Variants in NKAIN2 observed in about 807,000 individuals in gnomAD.
The protein encoded by NKAIN2 is sodium/potassium transporting ATPase interacting 2.
NKAIN2 carries 14 observed loss-of-function variants against 32.6 expected under a neutral mutation model. The ratio of observed to expected loss-of-function variants is 0.43; its 90% confidence interval spans 0.28 to 0.67. The LOEUF (loss-of-function observed/expected upper bound fraction) is 0.67. Among genes scored for constraint, NKAIN2 ranks in the 30% least tolerant of loss-of-function variants. The pLI, the probability that NKAIN2 is intolerant of heterozygous loss-of-function variation, is 0.17. For synonymous variants in NKAIN2, 80 were observed against 87.2 expected, an observed-to-expected ratio of 0.92 and a Z score of 0.46; for missense variants, 198 against 258.3, an observed-to-expected ratio of 0.77 and a Z score of 1.60.
intron 1 of NKAIN2, among the ~76,000 whole-genome samples, chr6:124,246,633 G>A (rs1053782277): frequency 6.6e-6 from 1 of 151,992 alleles, no homozygotes; most frequent in Non-Finnish European, 1.5e-5. Context: ...CAATACAATA[G>A]ATCTGGACTT....
At chr6:123,806,789 TC>T (rs1321777871) in intron 1 of NKAIN2, among the ~76,000 whole-genome samples, 1 of 152,064 alleles carries the variant, frequency 6.6e-6, no homozygotes, top group African/African-American at 2.4e-5. Context: ...CCAAAGAGAC[TC>T]TAAGTTAGAA....
At chr6:124,749,472 G>A (rs1438707976) in intron 4 of NKAIN2, among the ~76,000 whole-genome samples, 1 of 151,804 alleles carries the variant, frequency 6.6e-6, no homozygotes, top group Admixed American at 6.6e-5. Flanking sequence ...ATTTATTCTA[G>A]GGTAAAAAAG....
At chr6:124,412,561 G>A (rs1055555585) in intron 3 of NKAIN2, among the ~76,000 whole-genome samples, 1 of 152,140 alleles carries the variant, frequency 6.6e-6, no homozygotes, top group South Asian at 2.1e-4. Context: ...GTACCCGGCC[G>A]TGCGAGGTGT....
At chr6:124,193,237 A>G (rs570391061) in intron 1 of NKAIN2, among the ~76,000 whole-genome samples, 22 of 152,302 alleles carry the variant, frequency 1.4e-4, no homozygotes, top group African/African-American at 3.8e-4. Context: ...GGCCCGGCAA[A>G]CAGGGCTCAG....
chr6:124,001,451 A>G (rs1012157717), intron 1 of NKAIN2, among the ~76,000 whole-genome samples: 1 of 152,092 alleles, frequency 6.6e-6, no homozygotes, highest in Non-Finnish European at 1.5e-5. Context: ...AAAATAGCAA[A>G]GAGGAAAAAG....
intron 1 of NKAIN2, among the ~76,000 whole-genome samples, chr6:124,000,553 A>ATCC (rs1779837677): frequency 6.6e-6 from 1 of 151,904 alleles, no homozygotes. Flanking sequence ...AAAAGAAGAG[A>ATCC]TCCTTGTTAT....
intron 4 of NKAIN2, among the ~76,000 whole-genome samples, chr6:124,743,078 T>C (rs1286231550): frequency 1.3e-5 from 2 of 151,898 alleles, no homozygotes; most frequent in Non-Finnish European, 2.9e-5. Context: ...ATGGACACTG[T>C]GGCATCACAG....
At chr6:124,136,091 T>A (rs998160738) in intron 1 of NKAIN2, among the ~76,000 whole-genome samples, 2 of 151,978 alleles carry the variant, frequency 1.3e-5, no homozygotes, top group African/African-American at 4.8e-5. Flanking sequence ...AACGAAAAGA[T>A]GTTTATTTGA....
chr6:124,778,859 T>A (rs1416597721), intron 4 of NKAIN2, among the ~76,000 whole-genome samples: 1 of 152,234 alleles, frequency 6.6e-6, no homozygotes, highest in East Asian at 1.9e-4. Flanking sequence ...CATTAAAAAC[T>A]ACCTTCCTTC....
At chr6:124,533,471 CAAAAAA>C (rs201100605) in intron 3 of NKAIN2, among the ~76,000 whole-genome samples, 17 of 58,970 alleles carry the variant, frequency 2.9e-4, no homozygotes, top group South Asian at 8.8e-4. Flanking sequence ...GACTCTGTCT[CAAAAAA>C]AAAAAAAAAA....
intron 1 of NKAIN2, among the ~76,000 whole-genome samples, chr6:123,979,129 CTT>C (rs1335906196): frequency 1.3e-5 from 2 of 151,128 alleles, no homozygotes; most frequent in African/African-American, 4.9e-5. Flanking sequence ...CATTCTTCAT[CTT>C]TTTTTGTTTT....
chr6:124,290,112 T>G (rs1795734315), intron 2 of NKAIN2, among the ~76,000 whole-genome samples: 4 of 152,136 alleles, frequency 2.6e-5, no homozygotes, highest in Non-Finnish European at 5.9e-5. Flanking sequence ...AAAATAAATG[T>G]AATAATGCAA....
At chr6:123,861,477 C>T (rs1775783206) in intron 1 of NKAIN2, among the ~76,000 whole-genome samples, 1 of 152,136 alleles carries the variant, frequency 6.6e-6, no homozygotes, top group African/African-American at 2.4e-5. Context: ...CCTGGTGATA[C>T]ACCATTGGAA....
intron 5 of NKAIN2, among the ~76,000 whole-genome samples, chr6:124,804,852 G>A (rs564387440): frequency 2.7e-4 from 41 of 152,322 alleles, no homozygotes; most frequent in African/African-American, 9.6e-4. Context: ...TGCTGCACCT[G>A]GCTCCGAGGG....
At chr6:124,725,733 G>A (rs796670715) in intron 4 of NKAIN2, among the ~76,000 whole-genome samples, 3 of 152,314 alleles carry the variant, frequency 2.0e-5, no homozygotes, top group Admixed American at 6.5e-5. Flanking sequence ...AACAGCTCTG[G>A]TCTACAGCTC....
At chr6:124,554,845 C>T (rs1193282757) in intron 3 of NKAIN2, among the ~76,000 whole-genome samples, 4 of 152,118 alleles carry the variant, frequency 2.6e-5, no homozygotes, top group African/African-American at 4.8e-5. Flanking sequence ...CCAACAAGCC[C>T]GTGGGGAATC....
chr6:124,185,267 G>C (rs1381937580), intron 1 of NKAIN2, among the ~76,000 whole-genome samples: 1 of 151,996 alleles, frequency 6.6e-6, no homozygotes, highest in African/African-American at 2.4e-5. Context: ...CATTATAACT[G>C]TATTAAAAAC....
chr6:124,555,505 C>A, intron 3 of NKAIN2, among the ~76,000 whole-genome samples: 1 of 152,116 alleles, frequency 6.6e-6, no homozygotes, highest in Non-Finnish European at 1.5e-5. Context: ...ATGATTAAAA[C>A]AATTAGAATA....
At chr6:123,961,349 T>A (rs1777842260) in intron 1 of NKAIN2, among the ~76,000 whole-genome samples, 1 of 152,214 alleles carries the variant, frequency 6.6e-6, no homozygotes, top group Admixed American at 6.5e-5. Flanking sequence ...ATCAAACTTG[T>A]TTAAAGCTCA....
Sources: allele counts gnomAD v4.1 joint callset (sites outside exome capture counted in the v4.1 genomes callset), GRCh38; gene constraint gnomAD v4.1.1; transcripts MANE v1.5; gene names NCBI Gene and HGNC (gene_info 2026-07-23, HGNC 2026-07-21).